GFRA2: variants seen among roughly 807,000 people sequenced by gnomAD.
GFRA2 encodes GDNF family receptor alpha-2.
In GFRA2, 17 loss-of-function variants were observed where a neutral mutation model predicts 48.3. The ratio of observed to expected loss-of-function variants is 0.35; its 90% confidence interval spans 0.24 to 0.53. GFRA2 has a LOEUF of 0.53. Among genes scored for constraint, GFRA2 ranks in the 20% least tolerant of loss-of-function variants. The pLI, the probability that GFRA2 is intolerant of heterozygous loss-of-function variation, is 0.93. For synonymous variants in GFRA2, 305 were observed against 257.2 expected (o/e 1.19, Z -1.78); for missense variants, 660 against 637.3 (o/e 1.04, Z -0.38).
chr8:21,786,566 C>A (rs1233867648), intron 1 of GFRA2, among the ~76,000 whole-genome samples: 1 of 152,216 alleles, frequency 6.6e-6, no homozygotes, highest in African/African-American at 2.4e-5. Flanking sequence ...GGAAGGGCTT[C>A]GGGATCACAG....
chr8:21,806,230 A>T (rs1220998482), intron 1 of GFRA2, among the ~76,000 whole-genome samples: 1 of 152,194 alleles, frequency 6.6e-6, no homozygotes. Context: ...CGATTTTTCA[A>T]CTTTACAATG....
chr8:21,694,657 C>G, intron 7 of GFRA2, 140 bp from the exon 8 acceptor site: 1 of 747,462 alleles, frequency 1.3e-6, no homozygotes, highest in Non-Finnish European at 2.3e-6. Flanking sequence ...GAGGGTAGCT[C>G]AATTCCACCC....
chr8:21,698,216 T>G (rs1369141177), intron 7 of GFRA2, among the ~76,000 whole-genome samples: 1 of 152,142 alleles, frequency 6.6e-6, no homozygotes, highest in Non-Finnish European at 1.5e-5. Flanking sequence ...TCCTCCACCA[T>G]GGAGGCAGCA....
intron 4 of GFRA2, among the ~76,000 whole-genome samples, chr8:21,745,634 G>A (rs1335053342): frequency 6.6e-6 from 1 of 152,214 alleles, no homozygotes; most frequent in Non-Finnish European, 1.5e-5. Flanking sequence ...CCCCTTCCCA[G>A]GCACAGTCGA....
At chr8:21,697,621 TACTC>T (rs1802273861) in intron 7 of GFRA2, among the ~76,000 whole-genome samples, 1 of 152,146 alleles carries the variant, frequency 6.6e-6, no homozygotes, top group South Asian at 2.1e-4. Context: ...CAGGGGCTCA[TACTC>T]TAATAGAGAA....
chr8:21,703,768 C>T (rs1015933935), intron 6 of GFRA2, among the ~76,000 whole-genome samples: 2 of 152,254 alleles, frequency 1.3e-5, no homozygotes, highest in Admixed American at 6.5e-5. Context: ...CATCTCCCAT[C>T]GCTGTTCCCC....
In GFRA2 at chr8:21,809,669, C is replaced by T. The variant is rs151187288; in HGVS notation, c.-148+2562G>A. On this transcript the variant is annotated intron_variant, in intron 1 of 10. Transcript: ENST00000517328. The stretch of plus-strand genomic sequence containing the variant: ...TGATTTTAGTTGAGGCCTGTACCCC[C>T]CAGTTCCCTACCTGGCCCCTGCATC... Among the ~76,000 whole-genome samples, 349 of 152,314 alleles carry T rather than the reference C, an allele frequency of 2.3e-3. 7 individuals carry two copies. In the East Asian group the frequency reaches 0.042, roughly 18 times the overall value.
intron 2 of GFRA2, chr8:21,797,608 G>C (rs1168892154): frequency 6.6e-6 from 1 of 152,128 alleles, no homozygotes; most frequent in African/African-American, 2.4e-5. Context: ...CAAGGTCAAC[G>C]TAAAGCCTTT....
intron 1 of GFRA2, among the ~76,000 whole-genome samples, chr8:21,785,383 C>T (rs1333559342): frequency 6.6e-6 from 1 of 152,196 alleles, no homozygotes; most frequent in Non-Finnish European, 1.5e-5. Context: ...TCTTCTAGTT[C>T]ATTCCATGAC....
rs1801845160 is a variant in GFRA2, at chr8:21,690,487, G to C, written c.*2791C>G. ...TAGGAATCATCTCAACCAAAGGAAT[G>C]AATACCTAATGGTAAAATTTCAGCC... On this transcript the variant is annotated 3_prime_UTR_variant, in exon 9 of 9. Coordinates refer to ENST00000524240, the MANE Select transcript of GFRA2 (RefSeq NM_001495.5). The C allele has an allele frequency of 6.6e-6, 1 of 152,226 alleles. No individual in the cohort carries two copies. The highest frequency in any genetic ancestry group is 2.4e-5 in the African/African-American group (1 of 41,464). The allele number at this position is 152,226 out of a possible 1,614,324, so 9.4% of individuals were successfully genotyped here. A position where few individuals can be genotyped will look rare whatever the true frequency, so the allele number is the denominator to read the frequency against.
At chr8:21,715,987 G>C (rs1376498882) in intron 4 of GFRA2, among the ~76,000 whole-genome samples, 2 of 152,138 alleles carry the variant, frequency 1.3e-5, no homozygotes, top group Non-Finnish European at 2.9e-5. Flanking sequence ...AATTGATTCT[G>C]TTTTTATTTT....
At chr8:21,754,088 C>T (rs1200050220) in intron 3 of GFRA2, among the ~76,000 whole-genome samples, 1 of 152,198 alleles carries the variant, frequency 6.6e-6, no homozygotes, top group East Asian at 1.9e-4. Context: ...GTAACAACAC[C>T]CCATGCACAT....
intron 4 of GFRA2, among the ~76,000 whole-genome samples, chr8:21,713,057 CGAGGGAAAGGGAGAGGGA>C (rs1803149878): frequency 2.3e-5 from 3 of 129,260 alleles, no homozygotes; most frequent in African/African-American, 3.7e-5. Context: ...GAGAGGGAGA[CGAGGGAAAGGGAGAGGGA>C]GAGGGAGAGG....
chr8:21,773,339 G>GAA (rs1806527373), intron 3 of GFRA2, among the ~76,000 whole-genome samples: 2 of 152,180 alleles, frequency 1.3e-5, no homozygotes, highest in African/African-American at 4.8e-5. Flanking sequence ...CTGACTTTGA[G>GAA]GTCTCCGCTC....
At chr8:21,722,939 T>C (rs1803676989) in intron 4 of GFRA2, among the ~76,000 whole-genome samples, 1 of 152,162 alleles carries the variant, frequency 6.6e-6, no homozygotes, top group Non-Finnish European at 1.5e-5. Context: ...CCTCCCTACA[T>C]GGAGTGGGCT....
chr8:21,695,119 C>A (rs910192597), intron 7 of GFRA2, among the ~76,000 whole-genome samples: 3 of 152,218 alleles, frequency 2.0e-5, no homozygotes, highest in Non-Finnish European at 4.4e-5. Context: ...CATTTCTGTC[C>A]TACACGGATG....
chr8:21,745,643 G>A (rs1006165899), intron 4 of GFRA2, among the ~76,000 whole-genome samples: 3 of 152,186 alleles, frequency 2.0e-5, no homozygotes, highest in African/African-American at 4.8e-5. Flanking sequence ...AGGCACAGTC[G>A]AGAGCCATGA....
At chr8:21,793,074 A>T (rs1215683033), upstream of GFRA2, among the ~76,000 whole-genome samples, 1 of 152,154 alleles carries the variant, frequency 6.6e-6, no homozygotes, top group African/African-American at 2.4e-5. Context: ...CTCAAAAAAA[A>T]AAGAGAAAGT....
intron 4 of GFRA2, among the ~76,000 whole-genome samples, chr8:21,718,196 G>A (rs1015881298): frequency 6.6e-6 from 1 of 152,206 alleles, no homozygotes; most frequent in African/African-American, 2.4e-5. Flanking sequence ...TTCCCATGCT[G>A]TTGTCGTGAT....
Sources: allele counts gnomAD v4.1 joint callset (sites outside exome capture counted in the v4.1 genomes callset), GRCh38; gene constraint gnomAD v4.1.1; transcripts MANE v1.5; gene names NCBI Gene and HGNC (gene_info 2026-07-23, HGNC 2026-07-21).